CNTNAP5: variants seen among roughly 807,000 people sequenced by gnomAD.
CNTNAP5 encodes the protein contactin-associated protein-like 5.
In CNTNAP5, 72 loss-of-function variants were observed where a neutral mutation model predicts 150.2. That is an observed-to-expected ratio of 0.48 (90% confidence interval 0.40 to 0.58). The LOEUF (loss-of-function observed/expected upper bound fraction) is 0.58. Ranked by LOEUF, CNTNAP5 falls within the 20% of genes least tolerant of loss-of-function variation. CNTNAP5 has a pLI of 0.00. For synonymous variants in CNTNAP5, 672 were observed against 619.8 expected (o/e 1.08, Z -1.25); for missense variants, 1,636 against 1,626.2 (o/e 1.01, Z -0.10).
chr2:124,826,473 C>T (rs1682594620), intron 19 of CNTNAP5, among the ~76,000 whole-genome samples: 1 of 152,070 alleles, frequency 6.6e-6, no homozygotes, highest in Admixed American at 6.6e-5. Flanking sequence ...TTCCCAGCCC[C>T]TCCCTGGCCC....
At chr2:124,474,706 A>G (rs1291750494) in intron 6 of CNTNAP5, 33 bp from the exon 7 acceptor site, 8 of 1,510,618 alleles carry the variant, frequency 5.3e-6, no homozygotes, top group Non-Finnish European at 7.1e-6. Flanking sequence ...TGAGCTTAAA[A>G]CTAAGAGTTT....
At chr2:124,111,019 G>A (rs773107399) in intron 1 of CNTNAP5, among the ~76,000 whole-genome samples, 11 of 152,138 alleles carry the variant, frequency 7.2e-5, no homozygotes, top group Non-Finnish European at 1.3e-4. Flanking sequence ...TGAAAAATGA[G>A]TGTATAATCA....
chr2:124,785,074 AG>A (rs1387234791), intron 17 of CNTNAP5, among the ~76,000 whole-genome samples: 4 of 151,924 alleles, frequency 2.6e-5, no homozygotes, highest in Admixed American at 2.0e-4. Flanking sequence ...AAAAAGAAAA[AG>A]AAAAAAAACC....
In CNTNAP5 at chr2:124,408,616, AGG is replaced by A. The variant is rs572669541; in HGVS notation, c.382-8822_382-8821del. Among the ~76,000 whole-genome samples, 75 of 151,058 alleles carry A rather than the reference AGG, an allele frequency of 5.0e-4. 1 individual carries two copies. The highest frequency in any genetic ancestry group is 1.6e-3 in the East Asian group (8 of 5,132). ...GCCTAACTGGGAGGCACCCCCCAGC[AGG>A]GGGGCACACTGACACCTCACAAGGC... On this transcript the variant is annotated intron_variant, in intron 3 of 23. Coordinates refer to ENST00000682447, the MANE Select transcript of CNTNAP5 (RefSeq NM_001367498.1).
At chr2:124,345,501 G>A (rs972687742) in intron 3 of CNTNAP5, among the ~76,000 whole-genome samples, 26 of 152,104 alleles carry the variant, frequency 1.7e-4, no homozygotes, top group African/African-American at 5.8e-4. Flanking sequence ...TGGAGAAGCA[G>A]TTTAGAATTA....
At chr2:124,423,592 C>T (rs1329774723) in intron 4 of CNTNAP5, among the ~76,000 whole-genome samples, 2 of 150,934 alleles carry the variant, frequency 1.3e-5, no homozygotes, top group Non-Finnish European at 2.9e-5. Context: ...GTGATCCGCC[C>T]GCCTCAGCCT....
intron 3 of CNTNAP5, among the ~76,000 whole-genome samples, chr2:124,403,804 C>T (rs1691495182): frequency 6.6e-6 from 1 of 152,190 alleles, no homozygotes; most frequent in African/African-American, 2.4e-5. Context: ...ACTCACAGTT[C>T]CACATGGCTA....
chr2:124,527,178 G>C (rs1694988123), intron 9 of CNTNAP5, 107 bp from the exon 10 acceptor site: 2 of 888,758 alleles, frequency 2.3e-6, no homozygotes, highest in African/African-American at 3.4e-5. Context: ...TGCTGTGAAT[G>C]AGAAAGCACC....
rs145208700 is a variant in CNTNAP5, at chr2:124,281,112, GA to G, written c.381+38721del. ...TCCTGTAACACTCCAGCAATGAGGG[GA>G]AGAAGATTATGGGGCTATAAAGCAG... is the stretch of plus-strand genomic sequence containing the variant. On this transcript the variant is annotated intron_variant, in intron 3 of 23. Transcript: ENST00000682447. Among the ~76,000 whole-genome samples the G allele has an allele frequency of 7.9e-4, 121 of 152,206 alleles. 2 individuals carry two copies. In the East Asian group the frequency reaches 0.021, roughly 27 times the overall value.
chr2:124,742,991 C>T (rs148882862), intron 13 of CNTNAP5, among the ~76,000 whole-genome samples: 2 of 152,070 alleles, frequency 1.3e-5, no homozygotes, highest in Non-Finnish European at 2.9e-5. Flanking sequence ...GCCCCAGGCC[C>T]CGGAAGCACA....
intron 12 of CNTNAP5, among the ~76,000 whole-genome samples, chr2:124,635,435 C>A (rs1194997852): frequency 2.0e-5 from 3 of 152,082 alleles, no homozygotes; most frequent in Non-Finnish European, 2.9e-5. Flanking sequence ...GAACACAGAT[C>A]AAACCATATC....
At chr2:124,812,283 A>G (rs572500855) in intron 19 of CNTNAP5, among the ~76,000 whole-genome samples, 1 of 148,886 alleles carries the variant, frequency 6.7e-6, no homozygotes. Context: ...TCATTGCCAG[A>G]TCTGGTTCAG....
At chr2:124,890,883 C>T (rs577180494) in intron 21 of CNTNAP5, among the ~76,000 whole-genome samples, 15 of 152,032 alleles carry the variant, frequency 9.9e-5, no homozygotes, top group South Asian at 6.3e-4. Flanking sequence ...CTCCTTCTAC[C>T]GACAGACATG....
rs886462026 is a variant in CNTNAP5 at position 124,825,794 on chromosome 2, G to A, written c.3217+27474G>A. On this transcript the variant is annotated intron_variant, in intron 19 of 23. Transcript: ENST00000682447. Reference sequence around the variant, plus strand: ...TACTACACCAAGCATTCTTGGGATCGGGGCATGACGATGATCCCATCCAGG... The same window carrying A: ...TACTACACCAAGCATTCTTGGGATCAGGGCATGACGATGATCCCATCCAGG... Among the ~76,000 whole-genome samples, 13 of 152,148 alleles carry A rather than the reference G, an allele frequency of 8.5e-5. No homozygotes were observed. In the East Asian group the frequency reaches 9.7e-4, roughly 11 times the overall value.
chr2:124,446,029 G>C (rs1194876638), intron 5 of CNTNAP5, among the ~76,000 whole-genome samples: 1 of 151,978 alleles, frequency 6.6e-6, no homozygotes, highest in Admixed American at 6.6e-5. Flanking sequence ...CTTCTCAAAG[G>C]GGTCTTCCAA....
chr2:124,795,668 C>A (rs914577192), intron 18 of CNTNAP5, among the ~76,000 whole-genome samples: 1 of 152,118 alleles, frequency 6.6e-6, no homozygotes, highest in Non-Finnish European at 1.5e-5. Flanking sequence ...CAAGCACCTG[C>A]CAACACACCC....
At position 124,790,059 on chromosome 2, in the gene CNTNAP5, C is replaced by G. The variant is rs373670901; in HGVS notation, c.2910C>G (p.Asn970Lys). 1.2e-6 allele frequency: 2 copies of G among 1,613,882 alleles called. No homozygotes were observed. The highest frequency in any genetic ancestry group is 3.3e-5 in the Admixed American group (2 of 60,012). The change falls in exon 18 of 24, where the codon AAC becomes AAG. Residue 970 changes from asparagine (N) to lysine (K), a missense_variant. Transcript: ENST00000682447. The stretch of plus-strand genomic sequence containing the variant: ...GCAGCTACGGCAGCATCTGCCACAA[C>G]GGGGGCAAGTGTGTGGAGAAGCACA... ...HCSSYGSICH[N>K]GGKCVEKHNG...
intron 7 of CNTNAP5, among the ~76,000 whole-genome samples, chr2:124,481,151 T>G (rs1693756049): frequency 6.6e-6 from 1 of 152,176 alleles, no homozygotes; most frequent in Non-Finnish European, 1.5e-5. Flanking sequence ...GACCTCACAG[T>G]TCTCCCTGTG....
intron 13 of CNTNAP5, among the ~76,000 whole-genome samples, chr2:124,651,321 C>T (rs886149444): frequency 1.3e-5 from 2 of 152,084 alleles, no homozygotes; most frequent in Non-Finnish European, 2.9e-5. Flanking sequence ...CATAGATTCT[C>T]CTATATACTA....
Sources: allele counts gnomAD v4.1 joint callset (sites outside exome capture counted in the v4.1 genomes callset), GRCh38; gene constraint gnomAD v4.1.1; transcripts MANE v1.5; gene names NCBI Gene and HGNC (gene_info 2026-07-23, HGNC 2026-07-21).